FRMD5: variants seen among roughly 807,000 people sequenced by gnomAD.
The protein encoded by FRMD5 is FERM domain-containing protein 5.
In FRMD5, 20 loss-of-function variants were observed where a neutral mutation model predicts 69.0. The observed-to-expected ratio is 0.29, with a 90% CI of 0.20 to 0.42. FRMD5 has a LOEUF of 0.42. Among genes scored for constraint, FRMD5 ranks in the 10% least tolerant of loss-of-function variants. The probability of loss-of-function intolerance (pLI) is 1.00; values close to 1 mark genes in which losing one functional copy is unlikely to be tolerated. For synonymous variants in FRMD5, 271 were observed against 260.1 expected (o/e 1.04, Z -0.40); for missense variants, 595 against 708.6 (o/e 0.84, Z 1.82).
At chr15:43,947,454 C>T (rs28654093) in intron 1 of FRMD5, among the ~76,000 whole-genome samples, 12,202 of 152,092 alleles carry the variant, frequency 0.08, 816 homozygotes, top group African/African-American at 0.18. Flanking sequence ...TTGGGTATGG[C>T]TTTATAAAAA....
At chr15:43,986,701 C>G (rs1256491322) in intron 1 of FRMD5, among the ~76,000 whole-genome samples, 2 of 129,368 alleles carry the variant, frequency 1.5e-5, no homozygotes, top group Non-Finnish European at 3.3e-5. Context: ...GAGGCAAGTA[C>G]TGTTAAAGTA....
At chr15:43,985,914 G>A (rs544282867) in intron 1 of FRMD5, among the ~76,000 whole-genome samples, 12 of 152,324 alleles carry the variant, frequency 7.9e-5, no homozygotes, top group Non-Finnish European at 1.2e-4. Flanking sequence ...AGATCTGAAT[G>A]TCAGAGTAGA....
intron 7 of FRMD5, among the ~76,000 whole-genome samples, chr15:43,895,594 T>C (rs983120837): frequency 6.6e-6 from 1 of 152,148 alleles, no homozygotes; most frequent in African/African-American, 2.4e-5. Flanking sequence ...TCATAAGCAA[T>C]AATAGCACCT....
At chr15:44,106,055 T>C (rs1050889957) in intron 1 of FRMD5, among the ~76,000 whole-genome samples, 5 of 152,236 alleles carry the variant, frequency 3.3e-5, no homozygotes, top group Admixed American at 6.5e-5. Flanking sequence ...TGGTTTTTTA[T>C]TATTTTTTCT....
chr15:43,964,544 T>A (rs1212559015), intron 1 of FRMD5, among the ~76,000 whole-genome samples: 1 of 151,464 alleles, frequency 6.6e-6, no homozygotes, highest in Non-Finnish European at 1.5e-5. Flanking sequence ...TGAGTGCTCA[T>A]AATGACAGAA....
chr15:43,940,614 C>A (rs1214401957), intron 1 of FRMD5, among the ~76,000 whole-genome samples: 2 of 152,130 alleles, frequency 1.3e-5, no homozygotes, highest in African/African-American at 4.8e-5. Flanking sequence ...ACAAATGCCA[C>A]ATGGTGAAGG....
intron 1 of FRMD5, among the ~76,000 whole-genome samples, chr15:43,937,021 T>A (rs1235127821): frequency 6.6e-6 from 1 of 152,206 alleles, no homozygotes; most frequent in Admixed American, 6.5e-5. Context: ...AAGTTATTTT[T>A]AGGAAATTGA....
intron 1 of FRMD5, among the ~76,000 whole-genome samples, chr15:44,185,428 T>C (rs903642212): frequency 6.6e-6 from 1 of 152,214 alleles, no homozygotes; most frequent in African/African-American, 2.4e-5. Flanking sequence ...CCAGGCATCA[T>C]TGCCAATCCA....
chr15:44,032,634 A>T (rs556107268), intron 1 of FRMD5, among the ~76,000 whole-genome samples: 5 of 152,342 alleles, frequency 3.3e-5, no homozygotes, highest in African/African-American at 1.2e-4. Context: ...GAGAAATGCA[A>T]ATCAGAACCA....
At chr15:44,058,785 C>CA (rs34213454) in intron 1 of FRMD5, among the ~76,000 whole-genome samples, 99,819 of 122,620 alleles carry the variant, frequency 0.81, 41,207 homozygotes, top group Non-Finnish European at 0.91. Context: ...GACTCCGTCT[C>CA]AAAAAAAAAA....
chr15:44,091,718 CT>C lies in FRMD5; in HGVS notation c.102+103234del, dbSNP rs575689153. Among the ~76,000 whole-genome samples, 8 of 151,910 alleles carry C rather than the reference CT, an allele frequency of 5.3e-5. No homozygotes were observed. In the South Asian group the frequency reaches 1.2e-3, roughly 24 times the overall value. Reference sequence around the variant, plus strand: ...TAAATACTCATCTTTTTTCCACAAACTTTTTTTTATTGAGAAAAGAAACTCT... The same window carrying C: ...TAAATACTCATCTTTTTTCCACAAACTTTTTTTATTGAGAAAAGAAACTCT... On this transcript the variant is annotated intron_variant, in intron 1 of 13. Coordinates refer to ENST00000417257, the MANE Select transcript of FRMD5 (RefSeq NM_032892.5).
intron 1 of FRMD5, among the ~76,000 whole-genome samples, chr15:44,017,912 C>T (rs1891044578): frequency 6.6e-6 from 1 of 152,086 alleles, no homozygotes; most frequent in Non-Finnish European, 1.5e-5. Flanking sequence ...CCTGATCAAA[C>T]ATGGCTTTCA....
At chr15:44,074,251 A>T (rs1893664236) in intron 1 of FRMD5, among the ~76,000 whole-genome samples, 1 of 152,102 alleles carries the variant, frequency 6.6e-6, no homozygotes, top group South Asian at 2.1e-4. Flanking sequence ...AGTTATTTTT[A>T]TTTCAAAAAG....
chr15:44,036,572 T>C (rs1055597734), intron 1 of FRMD5, among the ~76,000 whole-genome samples: 1 of 152,216 alleles, frequency 6.6e-6, no homozygotes, highest in Non-Finnish European at 1.5e-5. Context: ...AAAATGGAGC[T>C]GAAAATTGTA....
intron 12 of FRMD5, among the ~76,000 whole-genome samples, chr15:43,884,496 T>G (rs2088614145): frequency 6.6e-6 from 1 of 152,194 alleles, no homozygotes; most frequent in African/African-American, 2.4e-5. Context: ...CCAAGTGAAG[T>G]GGCACCTGGA....
rs1287231950 is a variant in FRMD5, at chr15:44,103,930, C to G, written c.102+91023G>C. 2.6e-5 allele frequency among the ~76,000 whole-genome samples: 4 copies of G among 152,272 alleles called. No homozygotes were observed. The East Asian group carries it at 7.7e-4, about 29-fold the overall frequency. On this transcript the variant is annotated intron_variant, in intron 1 of 13. Coordinates refer to ENST00000417257, the MANE Select transcript of FRMD5 (RefSeq NM_032892.5). ...TGTGATGATGCTGGTGTAAACAAAC[C>G]TACTGCAATGCCAGTCATATAAAAG...
chr15:43,972,456 C>T (rs114651883), intron 1 of FRMD5, among the ~76,000 whole-genome samples: 2,359 of 152,004 alleles, frequency 0.016, 60 homozygotes, highest in African/African-American at 0.054. Flanking sequence ...AGGGGGTTAG[C>T]GGTTACTAAT....
intron 12 of FRMD5, 115 bp downstream of exon 12, chr15:43,884,612 A>T (rs1181562960): frequency 6.2e-6 from 5 of 811,012 alleles, no homozygotes; most frequent in Non-Finnish European, 1.0e-5. Context: ...CTTCTGCTCC[A>T]TTTTGGACTT....
intron 1 of FRMD5, among the ~76,000 whole-genome samples, chr15:43,956,912 CT>C (rs1397440568): frequency 6.6e-6 from 1 of 152,152 alleles, no homozygotes; most frequent in Non-Finnish European, 1.5e-5. Context: ...AATCCCATTT[CT>C]TCCAATTCTA....
Sources: allele counts gnomAD v4.1 joint callset (sites outside exome capture counted in the v4.1 genomes callset), GRCh38; gene constraint gnomAD v4.1.1; transcripts MANE v1.5; gene names NCBI Gene and HGNC (gene_info 2026-07-23, HGNC 2026-07-21).